FKBP8: variants seen among roughly 807,000 people sequenced by gnomAD.
FKBP8 encodes the protein peptidyl-prolyl cis-trans isomerase FKBP8.
In FKBP8, 5 loss-of-function variants were observed where a neutral mutation model predicts 41.7. The observed-to-expected ratio is 0.12, with a 90% CI of 0.06 to 0.25. The LOEUF (loss-of-function observed/expected upper bound fraction) is 0.25, where lower values mean the gene tolerates loss of function less well. Ranked by LOEUF, FKBP8 falls within the 10% of genes least tolerant of loss-of-function variation. The pLI is 1.00. For missense variants in FKBP8, 397 were observed against 563.0 expected (o/e 0.71, Z 2.98); for synonymous variants, 279 against 254.5 (o/e 1.10, Z -0.92).
In FKBP8 at chr19:18,532,443, G is replaced by A. The variant is rs1017199356; in HGVS notation, c.1156-188C>T. ...CAAATGGCCCCTCCTCCAGGACACC[G>A]CCCCTCGTGCCCTGGAAGAGGCTCC... On this transcript the variant is annotated intron_variant, in intron 8 of 8. Coordinates refer to ENST00000608443, the MANE Select transcript of FKBP8 (RefSeq NM_012181.5). 9 of 888,270 alleles carry A rather than the reference G, an allele frequency of 1.0e-5. No homozygotes were observed. The East Asian group carries it at 1.1e-4, about 10-fold the overall frequency. The allele number at this position is 888,270 out of a possible 1,614,324, so 55.0% of individuals were successfully genotyped here.
At chr19:18,539,250 C>T in intron 4 of FKBP8, 121 bp downstream of exon 4, 1 of 896,558 alleles carries the variant, frequency 1.1e-6, no homozygotes, top group South Asian at 1.6e-5. Flanking sequence ...TGAGCCACCT[C>T]ACCCAGCCTC....
chr19:18,539,775 G>A (rs754429953), intron 2 of FKBP8, 55 bp from the exon 3 acceptor site: 14 of 1,578,650 alleles, frequency 8.9e-6, no homozygotes, highest in African/African-American at 4.0e-5. Flanking sequence ...ACAGGCACCC[G>A]CTCCCCTGAG....
At chr19:18,536,009 A>G (rs1976567063) in intron 6 of FKBP8, 1 of 151,984 alleles carries the variant, frequency 6.6e-6, no homozygotes, top group African/African-American at 2.4e-5. Flanking sequence ...GTATGAAGCT[A>G]CACAAGCAGC....
Position 18,537,791 on chromosome 19 carries a change from C to A in FKBP8, c.773-18G>T. 1 of 1,591,704 alleles carries A rather than the reference C, an allele frequency of 6.3e-7. No individual in the cohort carries two copies. The highest frequency in any genetic ancestry group is 2.3e-5 in the East Asian group (1 of 44,382). On this transcript the variant is annotated intron_variant, in intron 5 of 8. Coordinates refer to ENST00000608443, the MANE Select transcript of FKBP8 (RefSeq NM_012181.5). The surrounding 1 kb of genome is among the most constrained non-coding windows in gnomAD (Gnocchi z 4.4). ...CATGTCCACTATTGGGAGACAGTGC[C>A]CGCCACGGCAGCCGTCACCATGCCA...
rs781770914 is a variant in FKBP8, at chr19:18,539,627, G to A, written c.386C>T (p.Thr129Met). Residue 129 changes from threonine (T) to methionine (M), a missense_variant, in exon 3 of 9, where the codon ACG becomes ATG. Physicochemically the swap from Thr to Met is moderately conservative, Grantham distance 81. Transcript: ENST00000608443. ...CACCCGTGTGCCATTCTCCAGCGAC[G>A]TCTGCAGATGTACGGTGACCACCTG... ...KGQVVTVHLQ[T>M]SLENGTRVQE... 5 of 1,612,980 alleles carry A rather than the reference G, an allele frequency of 3.1e-6. No individual in the cohort carries two copies. Among genetic ancestry groups the A allele is most frequent in the South Asian group, 1.1e-5 (1 of 91,090 alleles).
At chr19:18,532,608 C>A (rs1248396265) in intron 8 of FKBP8, 56 bp downstream of exon 8, 3 of 1,590,552 alleles carry the variant, frequency 1.9e-6, no homozygotes, top group Non-Finnish European at 2.6e-6. Flanking sequence ...AAAATAAAAT[C>A]CCTCTGCTAG....
At chr19:18,539,487 C>CA in intron 3 of FKBP8, 28 bp from the exon 4 acceptor site, 1 of 1,612,170 alleles carries the variant, frequency 6.2e-7, no homozygotes, top group Non-Finnish European at 8.5e-7. Flanking sequence ...AGCCAGCTGT[C>CA]AGGCAGACTC....
intron 2 of FKBP8, among the ~76,000 whole-genome samples, chr19:18,540,944 A>G (rs1976683815): frequency 6.6e-6 from 1 of 152,022 alleles, no homozygotes; most frequent in Admixed American, 6.6e-5. Context: ...CTGTTCCATC[A>G]GTGTCAATAT....
At position 18,542,922 on chromosome 19, in the gene FKBP8, G is replaced by A. The variant is rs915176204; in HGVS notation, c.-26+564C>T. The stretch of plus-strand genomic sequence containing the variant: ...CCTCCCGGGCTCGGAGCCCCACTTT[G>A]AGAGACCCTCCCAGCCCCCACCCCC... On this transcript the variant is annotated intron_variant, in intron 1 of 8. Coordinates refer to ENST00000608443, the MANE Select transcript of FKBP8 (RefSeq NM_012181.5). The A allele has an allele frequency of 3.1e-6, 4 of 1,277,334 alleles. No homozygotes were observed. The African/African-American group carries it at 6.2e-5, about 20-fold the overall frequency. 79.1% of individuals were successfully genotyped at this position (1,277,334 alleles called of 1,614,324 possible).
At chr19:18,542,785 C>T in intron 1 of FKBP8, 1 of 722,114 alleles carries the variant, frequency 1.4e-6, no homozygotes, top group Non-Finnish European at 2.1e-6. Context: ...TGCCCCAGAC[C>T]TCCTGAACCA....
chr19:18,533,156 G>A (rs1020653183), intron 7 of FKBP8, 114 bp downstream of exon 7: 117 of 1,007,426 alleles, frequency 1.2e-4, no homozygotes, highest in African/African-American at 2.3e-4. Context: ...TACCTACTCC[G>A]TGCCACTGCC....
chr19:18,532,288 A>G, intron 8 of FKBP8, 33 bp from the exon 9 acceptor site: 1 of 1,565,808 alleles, frequency 6.4e-7, no homozygotes, highest in South Asian at 1.2e-5. Flanking sequence ...AGAAGGGTGG[A>G]GGGAGGTCAA....
rs944364375 is a variant in FKBP8, at chr19:18,538,748, A to G, written c.552-312T>C. On this transcript the variant is annotated intron_variant, in intron 4 of 8. Coordinates refer to ENST00000608443, the MANE Select transcript of FKBP8 (RefSeq NM_012181.5). This position sits in a 1 kb window ranked among gnomAD's most constrained non-coding sequence, Gnocchi z 4.0. ...CTGCAGCCTCAAAAACGTGGGCTCA[A>G]GTGATCCTCCTGCCTGAGCCTCCTC... Among the ~76,000 whole-genome samples the G allele has an allele frequency of 2.0e-5, 3 of 149,416 alleles. No homozygotes were observed. Among genetic ancestry groups the G allele is most frequent in the Non-Finnish European group, 3.0e-5 (2 of 67,688 alleles).
rs776173123 is a variant in FKBP8, at chr19:18,538,187, G to A, written c.772+29C>T. The A allele has an allele frequency of 1.3e-6, 2 of 1,578,138 alleles. No homozygotes were observed. Among genetic ancestry groups the A allele is most frequent in the East Asian group, 4.5e-5 (2 of 44,316 alleles). ...ACGGAGTGGACACCTTTGCAGGGGA[G>A]ATGGTGGAGATCTGACCCAGGCGGT... On this transcript the variant is annotated intron_variant, in intron 5 of 8. Transcript: ENST00000608443. This position sits in a 1 kb window ranked among gnomAD's most constrained non-coding sequence, Gnocchi z 4.0.
Position 18,537,793 on chromosome 19 carries a change from G to A in FKBP8, c.773-20C>T, listed in dbSNP as rs753036091. 5.7e-5 allele frequency: 91 copies of A among 1,587,026 alleles called. No homozygotes were observed. The Middle Eastern group carries it at 1.0e-3, about 17-fold the overall frequency. ...TGTCCACTATTGGGAGACAGTGCCCGCCACGGCAGCCGTCACCATGCCACC... is the reference window on the plus strand; with the variant it reads ...TGTCCACTATTGGGAGACAGTGCCCACCACGGCAGCCGTCACCATGCCACC... On this transcript the variant is annotated intron_variant, in intron 5 of 8. Transcript: ENST00000608443. The surrounding 1 kb of genome is among the most constrained non-coding windows in gnomAD (Gnocchi z 4.4).
At position 18,538,569 on chromosome 19, in the gene FKBP8, C is replaced by T; in HGVS notation, c.552-133G>A. 1 of 714,848 alleles carries T rather than the reference C, an allele frequency of 1.4e-6. No homozygotes were observed. The allele number at this position is 714,848 out of a possible 1,614,324, so 44.3% of individuals were successfully genotyped here. ...CCTCTGCCCTCCATCATTCCCTCCT[C>T]AGTAAAGTGCAGGGGAAGTGACTTG... On this transcript the variant is annotated intron_variant, in intron 4 of 8. Coordinates refer to ENST00000608443, the MANE Select transcript of FKBP8 (RefSeq NM_012181.5). The surrounding 1 kb of genome is among the most constrained non-coding windows in gnomAD (Gnocchi z 4.0).
intron 6 of FKBP8, among the ~76,000 whole-genome samples, chr19:18,534,824 C>T (rs888339656): frequency 1.3e-5 from 2 of 151,166 alleles, no homozygotes; most frequent in African/African-American, 2.4e-5. Context: ...GAGTCTCACT[C>T]TCGCCCAGGC....
rs539140908 is a variant in FKBP8, at chr19:18,542,981, C to T, written c.-26+505G>A. 28 of 1,069,738 alleles carry T rather than the reference C, an allele frequency of 2.6e-5. No homozygotes were observed. In the South Asian group the frequency reaches 4.0e-4, roughly 15 times the overall value. 66.3% of individuals were successfully genotyped at this position (1,069,738 alleles called of 1,614,324 possible). A position where few individuals can be genotyped will look rare whatever the true frequency, so the allele number is the denominator to read the frequency against. On this transcript the variant is annotated intron_variant, in intron 1 of 8. Coordinates refer to ENST00000608443, the MANE Select transcript of FKBP8 (RefSeq NM_012181.5). ...CCGCGCCCGCACAATTCGGCCTCCC[C>T]TCCCACCCCCCACCCCAACCACCAC...
At chr19:18,532,457 G>A in intron 8 of FKBP8, 1 of 944,194 alleles carries the variant, frequency 1.1e-6, no homozygotes. Flanking sequence ...CTCGTGCCCT[G>A]GAAGAGGCTC....
Sources: allele counts gnomAD v4.1 joint callset (sites outside exome capture counted in the v4.1 genomes callset), GRCh38; gene constraint gnomAD v4.1.1; non-coding constraint Gnocchi (gnomAD v3.1); transcripts MANE v1.5; gene names NCBI Gene and HGNC (gene_info 2026-07-23, HGNC 2026-07-21).